GLCCI1: variants seen among roughly 807,000 people sequenced by gnomAD.
GLCCI1 encodes glucocorticoid induced 1, also known as glucocorticoid-induced transcript 1 protein.
Under a neutral mutation model 52.2 loss-of-function variants are expected in GLCCI1, and 24 were observed. That is an observed-to-expected ratio of 0.46 (90% CI 0.33 to 0.65). GLCCI1 has a LOEUF of 0.65. Among genes scored for constraint, GLCCI1 ranks in the 30% least tolerant of loss-of-function variants. The pLI, the probability that GLCCI1 is intolerant of heterozygous loss-of-function variation, is 0.02. For synonymous variants in GLCCI1, 310 were observed against 276.5 expected (o/e 1.12, Z -1.20); for missense variants, 704 against 701.5 (o/e 1.00, Z -0.04).
At chr7:8,036,973 C>G (rs925392758) in intron 3 of GLCCI1, among the ~76,000 whole-genome samples, 1 of 152,034 alleles carries the variant, frequency 6.6e-6, no homozygotes, top group Non-Finnish European at 1.5e-5. Flanking sequence ...GTTTGGAAAA[C>G]CTATGTGAGG....
chr7:7,996,898 G>A lies in GLCCI1; in HGVS notation c.458-7010G>A, dbSNP rs144163466. 3.3e-5 allele frequency among the ~76,000 whole-genome samples: 5 copies of A among 152,318 alleles called. No individual in the cohort carries two copies. The Middle Eastern group carries it at 0.01, about 311-fold the overall frequency. ...TTCTACCCACACTGAGAGAGCTTCA[G>A]TTTTGCTCTTTGGTTTTATTTCAGA... is the stretch of plus-strand genomic sequence containing the variant. On this transcript the variant is annotated intron_variant, in intron 1 of 7. Transcript: ENST00000223145.
chr7:8,047,066 G>T (rs535807751), intron 3 of GLCCI1, among the ~76,000 whole-genome samples: 1 of 151,954 alleles, frequency 6.6e-6, no homozygotes, highest in African/African-American at 2.4e-5. Flanking sequence ...TAATACACAC[G>T]TACACACACA....
rs1780292478 is a variant in GLCCI1 at position 7,969,521 on chromosome 7, C to G, written c.171C>G (p.Ala57=). The part of the protein sequence containing the change: ...GGVGCAPAAG[A]GRLLQPIRAT... ...TGGGCTGCGCCCCGGCTGCGGGAGC[C>G]GGCCGGCTGCTGCAGCCCATCCGCG... is the stretch of plus-strand genomic sequence containing the variant. The change falls in exon 1 of 8, where the codon GCC becomes GCG. Residue 57 remains alanine (A), a synonymous_variant. Transcript: ENST00000223145. This position sits in a 1 kb window ranked among gnomAD's most constrained non-coding sequence, Gnocchi z 4.9. 1 of 995,628 alleles carries G rather than the reference C, an allele frequency of 1.0e-6. No homozygotes were observed. The highest frequency in any genetic ancestry group is 1.8e-5 in the African/African-American group (1 of 56,930). 61.7% of individuals were successfully genotyped at this position (995,628 alleles called of 1,614,324 possible).
intron 3 of GLCCI1, among the ~76,000 whole-genome samples, chr7:8,047,281 A>G (rs1412630588): frequency 6.6e-6 from 1 of 152,206 alleles, no homozygotes; most frequent in Admixed American, 6.5e-5. Context: ...TTGCTAACCC[A>G]GCCTTTATTT....
intron 3 of GLCCI1, among the ~76,000 whole-genome samples, chr7:8,044,955 T>C (rs1782089000): frequency 6.6e-6 from 1 of 152,216 alleles, no homozygotes; most frequent in Non-Finnish European, 1.5e-5. Context: ...AGTAGATTCT[T>C]GGAAACTATG....
intron 5 of GLCCI1, among the ~76,000 whole-genome samples, chr7:8,062,357 TC>T (rs1385986206): frequency 6.6e-6 from 1 of 152,252 alleles, no homozygotes; most frequent in Non-Finnish European, 1.5e-5. Flanking sequence ...GTTCACTTTT[TC>T]TGTTTATCAA....
At chr7:7,982,831 G>A (rs1347607919) in intron 1 of GLCCI1, among the ~76,000 whole-genome samples, 2 of 152,070 alleles carry the variant, frequency 1.3e-5, no homozygotes, top group Non-Finnish European at 2.9e-5. Flanking sequence ...GTACATTTGA[G>A]TTTTATTTAG....
intron 1 of GLCCI1, among the ~76,000 whole-genome samples, chr7:7,994,683 G>A (rs1424725139): frequency 6.6e-6 from 1 of 152,174 alleles, no homozygotes; most frequent in Admixed American, 6.5e-5. Context: ...TTTTGGAGGG[G>A]ACATTCAAGT....
At chr7:7,993,920 A>G (rs546124277) in intron 1 of GLCCI1, among the ~76,000 whole-genome samples, 2 of 152,344 alleles carry the variant, frequency 1.3e-5, no homozygotes, top group African/African-American at 4.8e-5. Flanking sequence ...ATGGGTTTAT[A>G]TCCTGATAAA....
chr7:8,055,782 G>A (rs1782378534), intron 4 of GLCCI1: 1 of 309,258 alleles, frequency 3.2e-6, no homozygotes, highest in South Asian at 3.3e-5. Context: ...GAGGTCAGGA[G>A]ATCAAGACCA....
intron 1 of GLCCI1, among the ~76,000 whole-genome samples, chr7:7,974,935 C>T (rs1452238584): frequency 1.3e-5 from 2 of 152,158 alleles, no homozygotes; most frequent in Non-Finnish European, 2.9e-5. Flanking sequence ...CACTGACACT[C>T]TTTTTGTGCT....
At chr7:7,990,385 C>T (rs999702983) in intron 1 of GLCCI1, among the ~76,000 whole-genome samples, 42 of 152,080 alleles carry the variant, frequency 2.8e-4, no homozygotes, top group Non-Finnish European at 8.8e-5. Context: ...TCAATTGACT[C>T]TTTTTGACAA....
At chr7:8,022,997 A>G (rs1583979535) in intron 3 of GLCCI1, among the ~76,000 whole-genome samples, 1 of 152,138 alleles carries the variant, frequency 6.6e-6, no homozygotes. Context: ...GTACAATGGT[A>G]GGATAGTGTT....
intron 1 of GLCCI1, among the ~76,000 whole-genome samples, chr7:8,002,741 T>A (rs992266646): frequency 6.6e-6 from 1 of 152,220 alleles, no homozygotes; most frequent in Non-Finnish European, 1.5e-5. Context: ...AACCTGTAAA[T>A]CTGTTGGATT....
chr7:8,060,067 T>G (rs751470843), intron 4 of GLCCI1, 29 bp from the exon 5 acceptor site: 7 of 1,576,024 alleles, frequency 4.4e-6, no homozygotes, highest in Non-Finnish European at 6.0e-6. Flanking sequence ...CCACAAATAA[T>G]TTGATACCAC....
In GLCCI1 at chr7:8,003,986, C is replaced by T. The variant is rs1292733929; in HGVS notation, c.536C>T (p.Pro179Leu). The change falls in exon 2 of 8, where the codon CCT (proline) becomes CTT (leucine). Residue 179 changes from proline (P) to leucine (L), a missense_variant. Physicochemically the swap from Pro to Leu is moderately conservative, Grantham distance 98 (BLOSUM62 -3). This residue lies in a region of GLCCI1 where 547 missense variants were observed against 524.8 expected (regional missense o/e 1.04). Coordinates refer to ENST00000223145, the MANE Select transcript of GLCCI1 (RefSeq NM_138426.4). ...TCCTCTTTGGATACAATAACAGGAC[C>T]TTACCTCACAGGACAGTGGCCACGG... ...RTSSLDTITG[P>L]YLTGQWPRDP... is the part of the protein sequence containing the mutation. The T allele has an allele frequency of 6.2e-7, 1 of 1,613,818 alleles. No homozygotes were observed. The highest frequency in any genetic ancestry group is 8.5e-7 in the Non-Finnish European group (1 of 1,179,792).
rs200358270 is a variant in GLCCI1 at position 8,021,486 on chromosome 7, C to G, written c.610-997C>G. The stretch of plus-strand genomic sequence containing the variant: ...GGAGTGCAATGACACAATCTTGGCT[C>G]ACTGCAGCCTCTGCCTCCCGGGTTC... On this transcript the variant is annotated intron_variant, in intron 2 of 7. Coordinates refer to ENST00000223145, the MANE Select transcript of GLCCI1 (RefSeq NM_138426.4). Among the ~76,000 whole-genome samples, 15 of 152,226 alleles carry G rather than the reference C, an allele frequency of 9.9e-5. No individual in the cohort carries two copies. In the East Asian group the frequency reaches 2.9e-3, roughly 29 times the overall value.
rs1024061807 is a variant in GLCCI1 at position 8,034,480 on chromosome 7, C to T, written c.696+11911C>T. 2.6e-5 allele frequency among the ~76,000 whole-genome samples: 4 copies of T among 152,156 alleles called. No individual in the cohort carries two copies. In the East Asian group the frequency reaches 7.7e-4, roughly 29 times the overall value. ...AGCAAATCATGTATTTGATAAAGGG[C>T]TTCTATGTAGAATATATAAAGAATT... On this transcript the variant is annotated intron_variant, in intron 3 of 7. Coordinates refer to ENST00000223145, the MANE Select transcript of GLCCI1 (RefSeq NM_138426.4).
Position 7,969,029 on chromosome 7 carries a change from G to A in GLCCI1, c.-322G>A. 6.0e-6 allele frequency: 1 copy of A among 166,792 alleles called. No individual in the cohort carries two copies. 10.3% of individuals were successfully genotyped at this position (166,792 alleles called of 1,614,324 possible). A position where few individuals can be genotyped will look rare whatever the true frequency, so the allele number is the denominator to read the frequency against. On this transcript the variant is annotated 5_prime_UTR_variant, in exon 1 of 8. Coordinates refer to ENST00000223145, the MANE Select transcript of GLCCI1 (RefSeq NM_138426.4). The surrounding 1 kb of genome is among the most constrained non-coding windows in gnomAD (Gnocchi z 4.9). ...TCGGGGCTGCGTGATCCGGGCCGTT[G>A]CCCTGTCAGCACGATGCCTGGAGCG...
Sources: allele counts gnomAD v4.1 joint callset (sites outside exome capture counted in the v4.1 genomes callset), GRCh38; gene constraint gnomAD v4.1.1; regional missense constraint gnomAD v4.1.1; non-coding constraint Gnocchi (gnomAD v3.1); transcripts MANE v1.5; gene names NCBI Gene and HGNC (gene_info 2026-07-23, HGNC 2026-07-21).